ALK: variants seen among roughly 807,000 people sequenced by gnomAD.
ALK encodes the protein ALK receptor tyrosine kinase.
ALK carries 74 observed loss-of-function variants against 163.1 expected under a neutral mutation model. That is an observed-to-expected ratio of 0.45 (90% CI 0.38 to 0.55). The LOEUF (loss-of-function observed/expected upper bound fraction) is 0.55. ALK is among the 20% of genes least tolerant of loss of function. ALK has a pLI of 0.00. For missense variants in ALK, 2,063 were observed against 2,105.3 expected (o/e 0.98, Z 0.39); for synonymous variants, 960 against 843.2 (o/e 1.14, Z -2.40).
In ALK at chr2:29,541,331, G is replaced by A. The variant is rs1223663147; in HGVS notation, c.953-9215C>T. ...TGAAACATTTTTTGTTCGAGACAGAGTCTTGCTCTGGAGTGCAGTGGCACC... is the reference window on the plus strand; with the variant it reads ...TGAAACATTTTTTGTTCGAGACAGAATCTTGCTCTGGAGTGCAGTGGCACC... On this transcript the variant is annotated intron_variant, in intron 3 of 28. Coordinates refer to ENST00000389048, the MANE Select transcript of ALK (RefSeq NM_004304.5). Among the ~76,000 whole-genome samples, 4 of 152,186 alleles carry A rather than the reference G, an allele frequency of 2.6e-5. No individual in the cohort carries two copies. In the East Asian group the frequency reaches 7.7e-4, roughly 29 times the overall value.
intron 3 of ALK, among the ~76,000 whole-genome samples, chr2:29,691,862 G>C (rs1205875513): frequency 6.6e-6 from 1 of 152,152 alleles, no homozygotes; most frequent in Non-Finnish European, 1.5e-5. Context: ...GTGTGACTCA[G>C]TAACATCTGT....
intron 1 of ALK, among the ~76,000 whole-genome samples, chr2:29,823,632 CT>C (rs1371316691): frequency 6.6e-6 from 1 of 152,134 alleles, no homozygotes; most frequent in Non-Finnish European, 1.5e-5. Flanking sequence ...CATTTTGCCC[CT>C]GGTCCAGAGA....
At chr2:29,900,738 T>C (rs1200339055) in intron 1 of ALK, among the ~76,000 whole-genome samples, 1 of 152,182 alleles carries the variant, frequency 6.6e-6, no homozygotes, top group Non-Finnish European at 1.5e-5. Context: ...GACTTGACGC[T>C]CTGCTGCTTC....
At chr2:29,905,975 C>T (rs993823182) in intron 1 of ALK, among the ~76,000 whole-genome samples, 2 of 152,154 alleles carry the variant, frequency 1.3e-5, no homozygotes, top group African/African-American at 2.4e-5. Context: ...GGTTGTTTTC[C>T]TTCTCTATTG....
At chr2:29,844,677 C>A (rs921646329) in intron 1 of ALK, among the ~76,000 whole-genome samples, 8 of 152,120 alleles carry the variant, frequency 5.3e-5, no homozygotes, top group African/African-American at 1.9e-4. Flanking sequence ...CTTACTACGT[C>A]ACTTCCATTT....
Position 29,920,969 on chromosome 2 carries a change from T to A in ALK, c.-310A>T. ...TGCCGCGCCCCCGTCTGTAGCTCGC[T>A]GCGCTCGGTACAGAGGAACTACTAT... On this transcript the variant is annotated 5_prime_UTR_variant, in exon 1 of 29. Transcript: ENST00000389048. 1 of 475,068 alleles carries A rather than the reference T, an allele frequency of 2.1e-6. No individual in the cohort carries two copies. Among genetic ancestry groups the A allele is most frequent in the Non-Finnish European group, 3.8e-6 (1 of 263,022 alleles). 29.4% of individuals were successfully genotyped at this position (475,068 alleles called of 1,614,324 possible).
At chr2:29,462,749 T>A (rs1271432108) in intron 4 of ALK, among the ~76,000 whole-genome samples, 1 of 152,094 alleles carries the variant, frequency 6.6e-6, no homozygotes, top group East Asian at 1.9e-4. Flanking sequence ...AATGCAAGAG[T>A]TAAACTAGAG....
intron 1 of ALK, among the ~76,000 whole-genome samples, chr2:29,771,871 T>C (rs1375352816): frequency 1.1e-4 from 17 of 152,120 alleles, no homozygotes; most frequent in Admixed American, 1.1e-3. Flanking sequence ...AACTACCAAA[T>C]ATGAAGGTAA....
At chr2:29,723,426 C>T (rs1349245406) in intron 1 of ALK, among the ~76,000 whole-genome samples, 3 of 152,234 alleles carry the variant, frequency 2.0e-5, no homozygotes, top group Non-Finnish European at 4.4e-5. Flanking sequence ...GTAAGCCACT[C>T]CCATCCCTTT....
chr2:29,506,266 T>C (rs1672319452), intron 4 of ALK, among the ~76,000 whole-genome samples: 1 of 152,212 alleles, frequency 6.6e-6, no homozygotes, highest in South Asian at 2.1e-4. Context: ...TTTCTTTATA[T>C]TATTCTATCA....
intron 1 of ALK, among the ~76,000 whole-genome samples, chr2:29,766,391 C>T (rs1443655502): frequency 6.6e-6 from 1 of 152,166 alleles, no homozygotes; most frequent in East Asian, 1.9e-4. Flanking sequence ...CTTTCTCTCC[C>T]CCAGCCACCA....
intron 1 of ALK, among the ~76,000 whole-genome samples, chr2:29,886,603 T>A (rs996411325): frequency 1.3e-5 from 2 of 152,222 alleles, no homozygotes; most frequent in Admixed American, 1.3e-4. Context: ...CACTACCTTG[T>A]CAGGACTGTG....
chr2:29,633,638 C>A (rs1490131036), intron 3 of ALK, among the ~76,000 whole-genome samples: 1 of 151,760 alleles, frequency 6.6e-6, no homozygotes, highest in Non-Finnish European at 1.5e-5. Context: ...AGAGCTAGCT[C>A]TTTGAAAAGA....
chr2:29,520,870 A>C (rs1442384166), intron 4 of ALK, among the ~76,000 whole-genome samples: 1 of 152,120 alleles, frequency 6.6e-6, no homozygotes, highest in African/African-American at 2.4e-5. Flanking sequence ...GATCCCCTAA[A>C]GGATTTGAGG....
rs558500376 is a variant in ALK at position 29,712,531 on chromosome 2, C to T, written c.787+5047G>A. 2.6e-5 allele frequency among the ~76,000 whole-genome samples: 4 copies of T among 152,270 alleles called. No homozygotes were observed. The East Asian group carries it at 5.8e-4, about 22-fold the overall frequency. On this transcript the variant is annotated intron_variant, in intron 2 of 28. Coordinates refer to ENST00000389048, the MANE Select transcript of ALK (RefSeq NM_004304.5). The stretch of plus-strand genomic sequence containing the variant: ...ACGTAATTTCAGAAATGCGATCAAA[C>T]TGACTTCCTGCCAGAGCTATGAAGC...
At chr2:29,703,983 G>A (rs967700697) in intron 2 of ALK, among the ~76,000 whole-genome samples, 1 of 152,158 alleles carries the variant, frequency 6.6e-6, no homozygotes, top group African/African-American at 2.4e-5. Context: ...CAGACGTACT[G>A]AACCACCAGC....
chr2:29,844,859 G>GCACAGA (rs1553370304), intron 1 of ALK, among the ~76,000 whole-genome samples: 5 of 148,638 alleles, frequency 3.4e-5, no homozygotes, highest in Admixed American at 3.3e-4. Flanking sequence ...TAACCCCCCT[G>GCACAGA]CACACACACA....
chr2:29,651,894 T>A (rs1351064153), intron 3 of ALK, among the ~76,000 whole-genome samples: 2 of 152,186 alleles, frequency 1.3e-5, no homozygotes, highest in African/African-American at 4.8e-5. Context: ...GAAGTGAGCA[T>A]CTTAACTGGT....
At chr2:29,450,534 A>G (rs536198527) in intron 4 of ALK, among the ~76,000 whole-genome samples, 7 of 152,320 alleles carry the variant, frequency 4.6e-5, no homozygotes, top group African/African-American at 1.7e-4. Flanking sequence ...GGATACATAG[A>G]CAGAGGGTAG....
Sources: gnomAD v4.1 joint callset for allele counts (sites outside exome capture counted in the v4.1 genomes callset) on GRCh38, gnomAD v4.1.1 for gene constraint, MANE v1.5 for transcripts, NCBI Gene and HGNC (gene_info 2026-07-23, HGNC 2026-07-21) for gene names.